CIMIP6: variants seen among roughly 807,000 people sequenced by gnomAD.
CIMIP6 encodes the protein uncharacterized protein C2orf73.
the CIMIP6 span, among the ~76,000 whole-genome samples, chr2:54,342,327 A>G: frequency 1.3e-5 from 2 of 152,320 alleles, no homozygotes; most frequent in South Asian, 4.1e-4. Context: ...CCAAACTGTT[A>G]GCCGGAACAC....
At chr2:54,352,535 C>A in the CIMIP6 span, among the ~76,000 whole-genome samples, 4 of 152,234 alleles carry the variant, frequency 2.6e-5, no homozygotes, top group East Asian at 7.7e-4. Flanking sequence ...TTTATTACCT[C>A]ACATACATTA....
the CIMIP6 span, chr2:54,335,167 A>C: frequency 1.5e-6 from 1 of 646,574 alleles, no homozygotes; most frequent in Non-Finnish European, 2.6e-6. Flanking sequence ...CAGTAACCTG[A>C]AACTATTTTG....
At chr2:54,375,458 G>T in the CIMIP6 span, among the ~76,000 whole-genome samples, 4 of 152,114 alleles carry the variant, frequency 2.6e-5, 1 homozygote, top group East Asian at 5.8e-4. Context: ...TGAAAAGATT[G>T]TTTATATACA....
the CIMIP6 span, chr2:54,335,132 C>A: frequency 1.2e-6 from 1 of 832,620 alleles, no homozygotes; most frequent in Non-Finnish European, 1.8e-6. Flanking sequence ...CAGAGTAGTA[C>A]TTATCATAAT....
At chr2:54,367,115 G>C in the CIMIP6 span, among the ~76,000 whole-genome samples, 7 of 151,994 alleles carry the variant, frequency 4.6e-5, no homozygotes, top group South Asian at 1.0e-3. Flanking sequence ...ATGACTAATC[G>C]AGTTAGTTAC....
At chr2:54,382,239 T>C in the CIMIP6 span, among the ~76,000 whole-genome samples, 1 of 152,216 alleles carries the variant, frequency 6.6e-6, no homozygotes, top group African/African-American at 2.4e-5. Flanking sequence ...TATATTGTTA[T>C]CAATGTCCAA....
the CIMIP6 span, among the ~76,000 whole-genome samples, chr2:54,343,127 C>G: frequency 2.6e-5 from 4 of 152,084 alleles, no homozygotes; most frequent in Non-Finnish European, 4.4e-5. Context: ...GAGTTGCAGT[C>G]AGCAACGTGA....
chr2:54,383,122 A>G, the CIMIP6 span: 4 of 152,224 alleles, frequency 2.6e-5, no homozygotes, highest in African/African-American at 9.7e-5. Context: ...AGAGGGCCAC[A>G]TGGCAAGGAA....
chr2:54,343,001 TCA>T, the CIMIP6 span, among the ~76,000 whole-genome samples: 1 of 152,196 alleles, frequency 6.6e-6, no homozygotes, highest in African/African-American at 2.4e-5. Context: ...ATGAAGAATC[TCA>T]GTTTTCCCTT....
chr2:54,355,497 C>A, the CIMIP6 span, among the ~76,000 whole-genome samples: 2 of 152,152 alleles, frequency 1.3e-5, no homozygotes, highest in Admixed American at 6.5e-5. Flanking sequence ...CTCTTTCAAT[C>A]TGAGGTGTTT....
At chr2:54,341,614 A>T in the CIMIP6 span, among the ~76,000 whole-genome samples, 1 of 152,208 alleles carries the variant, frequency 6.6e-6, no homozygotes, top group Non-Finnish European at 1.5e-5. Flanking sequence ...TTGATACAGC[A>T]GTGCAGCACA....
At chr2:54,368,160 T>C in the CIMIP6 span, among the ~76,000 whole-genome samples, 1 of 152,190 alleles carries the variant, frequency 6.6e-6, no homozygotes, top group African/African-American at 2.4e-5. Flanking sequence ...GTAAAAACAA[T>C]TTCATTTGTT....
chr2:54,363,299 T>TTAATAGTAA, the CIMIP6 span, among the ~76,000 whole-genome samples: 1 of 152,214 alleles, frequency 6.6e-6, no homozygotes, highest in Non-Finnish European at 1.5e-5. Flanking sequence ...CTGAACATGA[T>TTAATAGTAA]TTGTCTGATG....
chr2:54,332,074 T>G, the CIMIP6 span, among the ~76,000 whole-genome samples: 1 of 152,204 alleles, frequency 6.6e-6, no homozygotes, highest in Non-Finnish European at 1.5e-5. Context: ...GTGCCCATAC[T>G]TTTAGAAGCA....
At chr2:54,383,035 C>A in the CIMIP6 span, 1 of 152,456 alleles carries the variant, frequency 6.6e-6, no homozygotes. Flanking sequence ...CTCTCCCCTC[C>A]CTCCCTCTCA....
At chr2:54,354,640 T>C in the CIMIP6 span, among the ~76,000 whole-genome samples, 2 of 152,144 alleles carry the variant, frequency 1.3e-5, no homozygotes, top group African/African-American at 4.8e-5. Flanking sequence ...TTATCACTAT[T>C]GTAGAGAAAT....
the CIMIP6 span, among the ~76,000 whole-genome samples, chr2:54,344,952 A>G: frequency 4.6e-5 from 7 of 152,304 alleles, no homozygotes; most frequent in African/African-American, 1.7e-4. Flanking sequence ...ACATTTATTG[A>G]GCACATACTA....
the CIMIP6 span, among the ~76,000 whole-genome samples, chr2:54,380,247 A>G: frequency 1.3e-5 from 2 of 152,182 alleles, no homozygotes; most frequent in African/African-American, 4.8e-5. Context: ...TTACAATACC[A>G]CTAAATGTAT....
chr2:54,349,918 C>T, the CIMIP6 span, among the ~76,000 whole-genome samples: 9 of 150,786 alleles, frequency 6.0e-5, no homozygotes, highest in East Asian at 3.9e-4. Context: ...GGCGTGATCT[C>T]GGCTCACTGC....
Sources: allele counts gnomAD v4.1 joint callset (sites outside exome capture counted in the v4.1 genomes callset), GRCh38; gene constraint gnomAD v4.1.1; transcripts MANE v1.5; gene names NCBI Gene and HGNC (gene_info 2026-07-23, HGNC 2026-07-21).